Variants in PHF24 observed in about 807,000 individuals in gnomAD.
PHF24 encodes the protein PHD finger protein 24.
PHF24 carries 25 observed loss-of-function variants against 42.6 expected under a neutral mutation model. The observed-to-expected ratio is 0.59, with a 90% CI of 0.43 to 0.82. PHF24 has a LOEUF of 0.82. PHF24 is among the 40% of genes least tolerant of loss of function. The pLI is 0.00. For synonymous variants in PHF24, 185 were observed against 204.8 expected (o/e 0.90, Z 0.83); for missense variants, 470 against 538.1 (o/e 0.87, Z 1.25).
At chr9:34,798,909 G>A in the PHF24 span, among the ~76,000 whole-genome samples, 1 of 152,176 alleles carries the variant, frequency 6.6e-6, no homozygotes, top group African/African-American at 2.4e-5. Context: ...TGACTGGTGT[G>A]AGATGGTATC....
exon 3 of PHF24, chr9:34,972,363 G>T (rs1827023095): frequency 6.2e-7 from 1 of 1,610,778 alleles, no homozygotes; most frequent in East Asian, 2.2e-5. Flanking sequence ...ACGATGAGAT[G>T]TGTGATGTTT....
the PHF24 span, chr9:34,833,277 A>G: frequency 1.3e-6 from 2 of 1,551,044 alleles, no homozygotes; most frequent in South Asian, 1.2e-5. Flanking sequence ...ACCTGAACAC[A>G]AGGCATGTGG....
the PHF24 span, among the ~76,000 whole-genome samples, chr9:34,716,444 T>C: frequency 1.3e-5 from 2 of 152,236 alleles, no homozygotes; most frequent in Non-Finnish European, 2.9e-5. Flanking sequence ...ATTTAGGATT[T>C]GGATTAAGAG....
At chr9:34,675,782 C>T in the PHF24 span, among the ~76,000 whole-genome samples, 2 of 152,086 alleles carry the variant, frequency 1.3e-5, no homozygotes, top group Non-Finnish European at 2.9e-5. Flanking sequence ...GAAACAAGGG[C>T]CCCTGGATGT....
At chr9:34,875,938 A>ACTCTCTCTCTCTCTCTCTCTCTCT in the PHF24 span, among the ~76,000 whole-genome samples, 3 of 88,544 alleles carry the variant, frequency 3.4e-5, no homozygotes, top group South Asian at 3.9e-4. Flanking sequence ...ACACACACAC[A>ACTCTCTCTCTCTCTCTCTCTCTCT]CACACACACA....
the PHF24 span, among the ~76,000 whole-genome samples, chr9:34,885,806 A>G: frequency 6.6e-6 from 1 of 151,950 alleles, no homozygotes; most frequent in Admixed American, 6.6e-5. Flanking sequence ...AGATATCAGC[A>G]GCAGGCTTTG....
At chr9:34,772,043 T>G in the PHF24 span, among the ~76,000 whole-genome samples, 2 of 152,230 alleles carry the variant, frequency 1.3e-5, no homozygotes, top group African/African-American at 2.4e-5. Context: ...GAAAGCTGAT[T>G]CTTAATTCTG....
the PHF24 span, among the ~76,000 whole-genome samples, chr9:34,788,451 C>T: frequency 6.6e-6 from 1 of 152,156 alleles, no homozygotes; most frequent in East Asian, 1.9e-4. Context: ...CCTGTACTCT[C>T]CTACACAGGA....
chr9:34,689,745 C>A, the PHF24 span: 1 of 1,573,510 alleles, frequency 6.4e-7, no homozygotes, highest in South Asian at 1.1e-5. The surrounding 1 kb of genome is among the most constrained non-coding windows in gnomAD (Gnocchi z 4.1). Flanking sequence ...TCCTTCTGGT[C>A]CTCGGTTCCC....
the PHF24 span, among the ~76,000 whole-genome samples, chr9:34,893,547 G>T: frequency 6.6e-6 from 1 of 151,834 alleles, no homozygotes; most frequent in African/African-American, 2.4e-5. Context: ...CTTGCAGTGA[G>T]CCGAGATTGT....
chr9:34,888,451 A>G, the PHF24 span, among the ~76,000 whole-genome samples: 3 of 152,192 alleles, frequency 2.0e-5, no homozygotes, highest in Non-Finnish European at 4.4e-5. Context: ...CTCTTCATCA[A>G]CTAGTCTTCA....
the PHF24 span, among the ~76,000 whole-genome samples, chr9:34,684,471 C>T: frequency 6.6e-6 from 1 of 152,160 alleles, no homozygotes; most frequent in Admixed American, 6.5e-5. Context: ...GCTGTCCTGC[C>T]TCACAGGTTT....
At chr9:34,731,661 A>C in the PHF24 span, among the ~76,000 whole-genome samples, 8 of 152,172 alleles carry the variant, frequency 5.3e-5, no homozygotes, top group African/African-American at 1.9e-4. Context: ...ATAGCACTCC[A>C]TTGTGTATAT....
At chr9:34,698,463 T>C in the PHF24 span, among the ~76,000 whole-genome samples, 54 of 152,324 alleles carry the variant, frequency 3.5e-4, 1 homozygote, top group South Asian at 0.011. Flanking sequence ...ATGGCTGGAT[T>C]ATTGCATAAA....
the PHF24 span, among the ~76,000 whole-genome samples, chr9:34,817,698 A>G: frequency 2.6e-5 from 4 of 152,184 alleles, no homozygotes; most frequent in African/African-American, 9.7e-5. Flanking sequence ...AAAGAACAGA[A>G]GTTCTTAATT....
At chr9:34,874,965 C>G in the PHF24 span, among the ~76,000 whole-genome samples, 1 of 152,172 alleles carries the variant, frequency 6.6e-6, no homozygotes, top group East Asian at 1.9e-4. Flanking sequence ...ACAATCTAAT[C>G]TAATTATTAA....
At chr9:34,979,930 CAAGAAAGCGCAGGACTCCTGGGCCT>C (rs1827334128) in exon 8 of PHF24, 1 of 152,234 alleles carries the variant, frequency 6.6e-6, no homozygotes, top group African/African-American at 2.4e-5. Flanking sequence ...CTAGTCAAAA[CAAGAAAGCGCAGGACTCCTGGGCCT>C]AAGAACTGCA....
chr9:34,877,280 CA>C, the PHF24 span, among the ~76,000 whole-genome samples: 24,564 of 114,152 alleles, frequency 0.22, 2,003 homozygotes, highest in South Asian at 0.31. Flanking sequence ...GACTCTGTCT[CA>C]AAAAAAAAAA....
At chr9:34,805,211 T>C in the PHF24 span, among the ~76,000 whole-genome samples, 7 of 152,234 alleles carry the variant, frequency 4.6e-5, no homozygotes, top group Non-Finnish European at 8.8e-5. Flanking sequence ...TTCATTTCTA[T>C]TGGGAATATA....
Sources: allele counts gnomAD v4.1 joint callset (sites outside exome capture counted in the v4.1 genomes callset), GRCh38; gene constraint gnomAD v4.1.1; non-coding constraint Gnocchi (gnomAD v3.1); transcripts MANE v1.5; gene names NCBI Gene and HGNC (gene_info 2026-07-23, HGNC 2026-07-21).